The following RPS6KA2 variants were observed in gnomAD, a reference collection of about 807,000 sequenced individuals.
The protein encoded by RPS6KA2 is ribosomal protein S6 kinase A2.
Under a neutral mutation model 91.8 loss-of-function variants are expected in RPS6KA2, and 42 were observed. The ratio of observed to expected loss-of-function variants is 0.46; its 90% CI spans 0.36 to 0.59. RPS6KA2 has a LOEUF of 0.59. Ranked by LOEUF, RPS6KA2 falls within the 20% of genes least tolerant of loss-of-function variation. RPS6KA2 has a pLI of 0.00. For synonymous variants in RPS6KA2, 414 were observed against 393.6 expected, an observed-to-expected ratio of 1.05 and a Z score of -0.61; for missense variants, 798 against 978.5, an observed-to-expected ratio of 0.82 and a Z score of 2.46.
chr6:166,840,839 T>C (rs1780454667), intron 2 of RPS6KA2, among the ~76,000 whole-genome samples: 1 of 152,122 alleles, frequency 6.6e-6, no homozygotes, highest in African/African-American at 2.4e-5. Context: ...GGTGCATGCC[T>C]GTAGTCCCAG....
In RPS6KA2 at chr6:166,648,322, CACAT is replaced by C. The variant is rs1235645764; in HGVS notation, c.124-109542_124-109539del. On this transcript the variant is annotated intron_variant, in intron 2 of 21. Coordinates refer to the RPS6KA2 transcript ENST00000503859. This position sits in a 1 kb window ranked among gnomAD's most constrained non-coding sequence, Gnocchi z 4.8. ...ACACGCATGTATACACATGCACACA[CACAT>C]ACATGCACACGCTTCTCCTCACTCC... Among the ~76,000 whole-genome samples the C allele has an allele frequency of 1.3e-5, 2 of 151,484 alleles. No homozygotes were observed. The highest frequency in any genetic ancestry group is 3.0e-5 in the Non-Finnish European group (2 of 67,664).
intron 11 of RPS6KA2, among the ~76,000 whole-genome samples, chr6:166,465,084 C>A (rs1780470140): frequency 6.6e-6 from 1 of 152,202 alleles, no homozygotes; most frequent in African/African-American, 2.4e-5. Flanking sequence ...CTAATATTTT[C>A]CCAGTTGGAT....
intron 10 of RPS6KA2, among the ~76,000 whole-genome samples, chr6:166,473,730 C>A (rs1005198866): frequency 9.9e-5 from 15 of 152,200 alleles, no homozygotes; most frequent in Middle Eastern, 3.4e-3. Context: ...GAGAGTCACA[C>A]AAACCCATCT....
chr6:166,836,250 G>A (rs542400740), intron 2 of RPS6KA2, among the ~76,000 whole-genome samples: 1 of 151,886 alleles, frequency 6.6e-6, no homozygotes, highest in South Asian at 2.1e-4. Flanking sequence ...TTAGTATCGG[G>A]GTAATTTTGG....
chr6:166,853,381 T>C (rs1300317195), intron 2 of RPS6KA2, among the ~76,000 whole-genome samples: 1 of 152,226 alleles, frequency 6.6e-6, no homozygotes, highest in Non-Finnish European at 1.5e-5. Context: ...TAAGAACATG[T>C]AGGGAACAAA....
chr6:166,564,694 C>A (rs1236536177), intron 1 of RPS6KA2, among the ~76,000 whole-genome samples: 1 of 152,194 alleles, frequency 6.6e-6, no homozygotes, highest in Non-Finnish European at 1.5e-5. Flanking sequence ...GTAAAAACAG[C>A]TGTTTTCCAA....
intron 2 of RPS6KA2, among the ~76,000 whole-genome samples, chr6:166,743,492 TG>T (rs1188257667): frequency 3.9e-5 from 6 of 152,216 alleles, no homozygotes; most frequent in African/African-American, 1.2e-4. Context: ...GGCAGGTGCT[TG>T]AGGCCACACA....
At chr6:166,664,764 G>A (rs1788268330) in intron 2 of RPS6KA2, among the ~76,000 whole-genome samples, 1 of 152,148 alleles carries the variant, frequency 6.6e-6, no homozygotes, top group African/African-American at 2.4e-5. Context: ...TCTATTAAGT[G>A]GTATTTGCAA....
Position 166,854,310 on chromosome 6 carries a change from C to T in RPS6KA2, c.123+3890G>A, listed in dbSNP as rs558307838. ...CACCTTCTTGGAAGCTGCACAGAAC[C>T]GTAACGTGAGGAATCACATGCCTAG... On this transcript the variant is annotated intron_variant, in intron 2 of 21. Coordinates refer to the RPS6KA2 transcript ENST00000503859. 7.9e-5 allele frequency among the ~76,000 whole-genome samples: 12 copies of T among 152,284 alleles called. No individual in the cohort carries two copies. In the East Asian group the frequency reaches 2.1e-3, roughly 27 times the overall value.
chr6:166,599,569 A>T (rs192433989), intron 1 of RPS6KA2, among the ~76,000 whole-genome samples: 224 of 152,342 alleles, frequency 1.5e-3, no homozygotes, highest in African/African-American at 5.1e-3. Context: ...AAGCTTCATG[A>T]CACGGGGAAG....
rs191241758 is a variant in RPS6KA2, at chr6:166,523,212, G to A, written c.298+8020C>T. On this transcript the variant is annotated intron_variant, in intron 3 of 20. Transcript: ENST00000265678. ...AGGGTGATGTTTATCTGAAATGCAAGAGACAGAGTGAGATCGTACCTTACA... is the reference window on the plus strand; with the variant it reads ...AGGGTGATGTTTATCTGAAATGCAAAAGACAGAGTGAGATCGTACCTTACA... Among the ~76,000 whole-genome samples, 6 of 152,340 alleles carry A rather than the reference G, an allele frequency of 3.9e-5. 1 individual carries two copies. The highest frequency in any genetic ancestry group is 1.2e-4 in the African/African-American group (5 of 41,586).
chr6:166,773,536 G>A (rs1270724803), intron 2 of RPS6KA2, among the ~76,000 whole-genome samples: 1 of 151,894 alleles, frequency 6.6e-6, no homozygotes, highest in Non-Finnish European at 1.5e-5. Context: ...TGAGTAGCTG[G>A]GATTACAGGC....
rs34651286 is a variant in RPS6KA2, at chr6:166,412,777, C to G, written c.2187G>C (p.Thr729=). The part of the protein sequence containing the change: ...LAQRRGMKRL[T]STRL ...GTCCCACCCGCTACAGCCGCGTGGA[C>G]GTGAGTCTCTTCATGCCTCTGCGCT... is the stretch of plus-strand genomic sequence containing the variant. The change falls in exon 21 of 21, where the codon ACG becomes ACC. Residue 729 remains threonine (T), a synonymous_variant. Coordinates refer to ENST00000265678, the MANE Select transcript of RPS6KA2 (RefSeq NM_021135.6). This position sits in a 1 kb window ranked among gnomAD's most constrained non-coding sequence, Gnocchi z 4.3. 2.3e-3 allele frequency: 3,625 copies of G among 1,598,718 alleles called. 80 individuals carry two copies. In the African/African-American group the frequency reaches 0.04, roughly 17 times the overall value.
chr6:166,477,283 C>A (rs566674147), intron 10 of RPS6KA2, among the ~76,000 whole-genome samples: 1 of 152,108 alleles, frequency 6.6e-6, no homozygotes, highest in South Asian at 2.1e-4. Context: ...GTTTGAAGGG[C>A]GATCTTGGCC....
At chr6:166,850,144 A>G (rs1157236551) in intron 2 of RPS6KA2, among the ~76,000 whole-genome samples, 1 of 152,224 alleles carries the variant, frequency 6.6e-6, no homozygotes, top group Non-Finnish European at 1.5e-5. Context: ...ACTCACATAA[A>G]TTGCAAAGTC....
At position 166,821,106 on chromosome 6, in the gene RPS6KA2, C is replaced by A. The variant is rs1779894677; in HGVS notation, c.123+37094G>T. Among the ~76,000 whole-genome samples the A allele has an allele frequency of 6.6e-6, 1 of 152,190 alleles. No individual in the cohort carries two copies. Among genetic ancestry groups the A allele is most frequent in the Admixed American group, 6.5e-5 (1 of 15,280 alleles). On this transcript the variant is annotated intron_variant, in intron 2 of 21. Transcript: ENST00000503859. The surrounding 1 kb of genome is among the most constrained non-coding windows in gnomAD (Gnocchi z 4.1). ...AATTAGGTTACCATATTTTGTATCACACGCTAGGCACAGAGTGAGCACATA... is the reference window on the plus strand; with the variant it reads ...AATTAGGTTACCATATTTTGTATCAAACGCTAGGCACAGAGTGAGCACATA...
chr6:166,806,239 T>A (rs2128619216), intron 2 of RPS6KA2, among the ~76,000 whole-genome samples: 1 of 152,188 alleles, frequency 6.6e-6, no homozygotes, highest in African/African-American at 2.4e-5. Flanking sequence ...TTTCCAAAAT[T>A]TGACTTAAAA....
rs1016709094 is a variant in RPS6KA2 at position 166,662,370 on chromosome 6, G to C, written c.124-123586C>G. Among the ~76,000 whole-genome samples the C allele has an allele frequency of 1.3e-5, 2 of 152,194 alleles. No individual in the cohort carries two copies. The highest frequency in any genetic ancestry group is 2.4e-5 in the African/African-American group (1 of 41,438). Reference sequence around the variant, plus strand: ...GACGTATTTGATGCAGGGGTGGTAAGAGATGGGTTGGCGCAGGAGGTATGA... The same window carrying C: ...GACGTATTTGATGCAGGGGTGGTAACAGATGGGTTGGCGCAGGAGGTATGA... On this transcript the variant is annotated intron_variant, in intron 2 of 21. Transcript: ENST00000503859. This position sits in a 1 kb window ranked among gnomAD's most constrained non-coding sequence, Gnocchi z 4.3.
chr6:166,465,259 C>T (rs372693992), intron 11 of RPS6KA2: 11 of 152,138 alleles, frequency 7.2e-5, no homozygotes, highest in South Asian at 2.1e-4. Flanking sequence ...TCTGAGCTGC[C>T]GAAAAGCAGA....
Sources: gnomAD v4.1 joint callset for allele counts (sites outside exome capture counted in the v4.1 genomes callset) on GRCh38, gnomAD v4.1.1 for gene constraint, Gnocchi (gnomAD v3.1) non-coding constraint, MANE v1.5 for transcripts, NCBI Gene and HGNC (gene_info 2026-07-23, HGNC 2026-07-21) for gene names.